The following MAD1L1 variants were observed in gnomAD, a reference collection of about 807,000 sequenced individuals.
MAD1L1 encodes mitotic spindle assembly checkpoint protein MAD1.
A neutral mutation model predicts 96.9 loss-of-function variants in MAD1L1; 95 were observed. The ratio of observed to expected loss-of-function variants is 0.98; its 90% CI spans 0.83 to 1.16. The LOEUF (loss-of-function observed/expected upper bound fraction) is 1.16, where lower values mean the gene tolerates loss of function less well. Among genes scored for constraint, MAD1L1 ranks in the 50% most tolerant of loss-of-function variants. The pLI is 0.00. For missense variants in MAD1L1, 1,007 were observed against 954.4 expected, an observed-to-expected ratio of 1.06 and a Z score of -0.73; for synonymous variants, 473 against 396.6, an observed-to-expected ratio of 1.19 and a Z score of -2.29.
At chr7:1,816,316 C>T (rs1423486168) in intron 18 of MAD1L1, 88 bp from the exon 19 acceptor site, 1 of 1,349,538 alleles carries the variant, frequency 7.4e-7, no homozygotes, top group East Asian at 2.3e-5. Flanking sequence ...CCCCTCCAGC[C>T]ATGGGGGCTT....
chr7:2,134,662 C>T (rs1035958512), intron 11 of MAD1L1, among the ~76,000 whole-genome samples: 4 of 152,208 alleles, frequency 2.6e-5, no homozygotes, highest in Non-Finnish European at 4.4e-5. Context: ...CCCATTTAAA[C>T]AGGACCAGTC....
chr7:1,906,750 C>T (rs947806721), intron 17 of MAD1L1, among the ~76,000 whole-genome samples: 4 of 152,226 alleles, frequency 2.6e-5, no homozygotes, highest in African/African-American at 9.6e-5. Flanking sequence ...GCGACGGGTG[C>T]GTGTTGAACA....
At chr7:1,944,580 T>G (rs1779144803) in intron 16 of MAD1L1, among the ~76,000 whole-genome samples, 1 of 152,144 alleles carries the variant, frequency 6.6e-6, no homozygotes, top group Non-Finnish European at 1.5e-5. Context: ...GGAGAAACTC[T>G]GGGGCTCCGT....
intron 10 of MAD1L1, among the ~76,000 whole-genome samples, chr7:2,210,961 T>TC (rs1164410495): frequency 1.3e-5 from 2 of 152,094 alleles, no homozygotes; most frequent in Non-Finnish European, 2.9e-5. Context: ...GAGCTCCGTG[T>TC]CCCCCTTTCA....
intron 10 of MAD1L1, among the ~76,000 whole-genome samples, chr7:2,151,697 A>G (rs1188501306): frequency 2.0e-5 from 3 of 152,272 alleles, no homozygotes; most frequent in Non-Finnish European, 2.9e-5. Context: ...ATGTTCTGCG[A>G]TTCCCAGTGA....
In MAD1L1 at chr7:1,954,018, CCTCA is replaced by C. The variant is rs1365104234; in HGVS notation, c.1596+3607_1596+3610del. ...AGGGCGGCCTGTGAGCCCCGACTAG[CCTCA>C]CTGTGTGTCCTGCCCCGTAGCCTGT... On this transcript the variant is annotated intron_variant, in intron 16 of 18. Coordinates refer to ENST00000265854, the MANE Select transcript of MAD1L1 (RefSeq NM_001013836.2). 4.6e-5 allele frequency among the ~76,000 whole-genome samples: 7 copies of C among 152,144 alleles called. No individual in the cohort carries two copies. The East Asian group carries it at 7.7e-4, about 17-fold the overall frequency.
chr7:1,847,689 ACCT>A (rs752984742), intron 18 of MAD1L1: 8 of 469,986 alleles, frequency 1.7e-5, no homozygotes, highest in Non-Finnish European at 3.1e-5. Flanking sequence ...CACTGGGGAG[ACCT>A]CAGCTCTGGG....
chr7:2,220,883 C>T, intron 5 of MAD1L1: 2 of 1,609,442 alleles, frequency 1.2e-6, no homozygotes, highest in Non-Finnish European at 1.7e-6. Context: ...TTAATACGCA[C>T]CGTGTGCCAG....
chr7:2,212,439 G>A (rs1452080628), intron 10 of MAD1L1, among the ~76,000 whole-genome samples: 1 of 152,204 alleles, frequency 6.6e-6, no homozygotes, highest in Non-Finnish European at 1.5e-5. Flanking sequence ...CCCCAGTGCT[G>A]AAAGTGGGGC....
At chr7:2,038,208 A>G (rs1241937029) in intron 12 of MAD1L1, among the ~76,000 whole-genome samples, 2 of 152,218 alleles carry the variant, frequency 1.3e-5, no homozygotes, top group African/African-American at 4.8e-5. Flanking sequence ...GTCTGAAGCT[A>G]GCAGAGGTGG....
intron 18 of MAD1L1, among the ~76,000 whole-genome samples, chr7:1,867,269 G>A (rs368729064): frequency 1.3e-5 from 2 of 152,206 alleles, no homozygotes; most frequent in Admixed American, 6.5e-5. Context: ...AGAGGCCTTC[G>A]GGGCTAATGG....
intron 12 of MAD1L1, among the ~76,000 whole-genome samples, chr7:2,044,903 C>A (rs1783852019): frequency 6.6e-6 from 1 of 152,192 alleles, no homozygotes; most frequent in South Asian, 2.1e-4. Context: ...ATGAACAAAA[C>A]CCGAGCCCCG....
intron 18 of MAD1L1, chr7:1,848,073 G>A (rs779444475): frequency 1.7e-5 from 5 of 298,988 alleles, no homozygotes; most frequent in Admixed American, 4.5e-5. Flanking sequence ...GGGCTGGGGT[G>A]TGCAGAGACG....
chr7:1,957,780 C>A (rs1209847697), intron 15 of MAD1L1, 61 bp from the exon 16 acceptor site: 6 of 1,508,526 alleles, frequency 4.0e-6, no homozygotes, highest in Non-Finnish European at 5.5e-6. Context: ...GGAAGTCCCA[C>A]CCTCTGGGTG....
intron 18 of MAD1L1, among the ~76,000 whole-genome samples, chr7:1,856,458 G>A (rs1784257794): frequency 6.6e-6 from 1 of 152,228 alleles, no homozygotes; most frequent in African/African-American, 2.4e-5. Context: ...GAACCAGCGC[G>A]CGGAGCACCG....
chr7:2,188,696 A>C (rs571860217), intron 10 of MAD1L1, among the ~76,000 whole-genome samples: 8 of 152,336 alleles, frequency 5.3e-5, no homozygotes, highest in Non-Finnish European at 1.0e-4. Context: ...AACAAATCAA[A>C]GACCTAAATG....
chr7:1,861,833 T>A lies in MAD1L1; in HGVS notation c.1998+36367A>T, dbSNP rs1784547267. Among the ~76,000 whole-genome samples the A allele has an allele frequency of 4.8e-5, 3 of 62,782 alleles. No individual in the cohort carries two copies. The South Asian group carries it at 2.6e-3, about 54-fold the overall frequency. The allele number at this position is 62,782 out of a possible 152,430, so 41.2% of individuals were successfully genotyped here. A position where few individuals can be genotyped will look rare whatever the true frequency, so the allele number is the denominator to read the frequency against. On this transcript the variant is annotated intron_variant, in intron 18 of 18. Coordinates refer to ENST00000265854, the MANE Select transcript of MAD1L1 (RefSeq NM_001013836.2). Reference sequence around the variant, plus strand: ...GCCTGCCCCCTGGTTGGAGGGACACTGCTCCGCCTGCCCCCTGGTTGGAGG... The same window carrying A: ...GCCTGCCCCCTGGTTGGAGGGACACAGCTCCGCCTGCCCCCTGGTTGGAGG...
At position 2,114,765 on chromosome 7, in the gene MAD1L1, G is replaced by A. The variant is rs957606170; in HGVS notation, c.1073+34387C>T. Among the ~76,000 whole-genome samples the A allele has an allele frequency of 1.3e-5, 2 of 152,182 alleles. No homozygotes were observed. Among genetic ancestry groups the A allele is most frequent in the Admixed American group, 6.5e-5 (1 of 15,280 alleles). The stretch of plus-strand genomic sequence containing the variant: ...TCACAGCACGATGGCAGAGTTCAGC[G>A]TCTTCGACAGAGACCACCTGCCCGG... On this transcript the variant is annotated intron_variant, in intron 11 of 18. Coordinates refer to ENST00000265854, the MANE Select transcript of MAD1L1 (RefSeq NM_001013836.2). This position sits in a 1 kb window ranked among gnomAD's most constrained non-coding sequence, Gnocchi z 4.2.
chr7:2,117,824 A>G lies in MAD1L1; in HGVS notation c.1073+31328T>C, dbSNP rs531119307. Among the ~76,000 whole-genome samples, 463 of 152,250 alleles carry G rather than the reference A, an allele frequency of 3.0e-3. 1 individual carries two copies. The highest frequency in any genetic ancestry group is 0.01 in the Middle Eastern group (3 of 294). On this transcript the variant is annotated intron_variant, in intron 11 of 18. Transcript: ENST00000265854. ...AGAGAAGAGAGAAGCCCTGCCAGGG[A>G]GAGGACAGCAGCAGGAAGCACCCAA... is the stretch of plus-strand genomic sequence containing the variant.
Sources: gnomAD v4.1 joint callset for allele counts (sites outside exome capture counted in the v4.1 genomes callset) on GRCh38, gnomAD v4.1.1 for gene constraint, Gnocchi (gnomAD v3.1) non-coding constraint, MANE v1.5 for transcripts, NCBI Gene and HGNC (gene_info 2026-07-23, HGNC 2026-07-21) for gene names.